KCTD1: variants seen among roughly 807,000 people sequenced by gnomAD.
The protein encoded by KCTD1 is BTB/POZ domain-containing protein KCTD1.
KCTD1 carries 24 observed loss-of-function variants against 66.0 expected under a neutral mutation model. The ratio of observed to expected loss-of-function variants is 0.36; its 90% CI spans 0.26 to 0.51. KCTD1 has a LOEUF of 0.51. Among genes scored for constraint, KCTD1 ranks in the 20% least tolerant of loss-of-function variants. The pLI is 0.95. For missense variants in KCTD1, 943 were observed against 1,205.2 expected (o/e 0.78, Z 3.22); for synonymous variants, 511 against 517.2 (o/e 0.99, Z 0.16).
upstream of KCTD1, among the ~76,000 whole-genome samples, chr18:26,550,001 C>T (rs1985490253): frequency 6.6e-6 from 1 of 152,140 alleles, no homozygotes; most frequent in African/African-American, 2.4e-5. This position sits in a 1 kb window ranked among gnomAD's most constrained non-coding sequence, Gnocchi z 5.4. Context: ...AGGCACAGCC[C>T]AGGCCACTCT....
In KCTD1 at chr18:26,455,689, T is replaced by C; in HGVS notation, c.*54A>G. The C allele has an allele frequency of 8.5e-7, 1 of 1,176,130 alleles. No individual in the cohort carries two copies. The highest frequency in any genetic ancestry group is 1.2e-5 in the South Asian group (1 of 82,228). The allele number at this position is 1,176,130 out of a possible 1,614,324, so 72.9% of individuals were successfully genotyped here. On this transcript the variant is annotated 3_prime_UTR_variant, in exon 5 of 5. Transcript: ENST00000580059. ...CAACTGCACATAAATGTCCCTTTTTTGTTTGAGTTATTGGTTGTGTGTGTT... is the reference window on the plus strand; with the variant it reads ...CAACTGCACATAAATGTCCCTTTTTCGTTTGAGTTATTGGTTGTGTGTGTT...
chr18:26,469,299 G>A (rs1980925140), intron 3 of KCTD1, among the ~76,000 whole-genome samples: 1 of 152,130 alleles, frequency 6.6e-6, no homozygotes, highest in African/African-American at 2.4e-5. Flanking sequence ...GCACGCAAAA[G>A]GTGCAGAGAA....
intron 1 of KCTD1, among the ~76,000 whole-genome samples, chr18:26,651,007 A>G (rs560213140): frequency 1.3e-4 from 20 of 152,386 alleles, no homozygotes; most frequent in African/African-American, 4.6e-4. Context: ...TTTGGTCAGC[A>G]TGACAGAGTA....
intron 1 of KCTD1, among the ~76,000 whole-genome samples, chr18:26,518,555 C>G (rs1254293881): frequency 6.6e-6 from 1 of 152,052 alleles, no homozygotes. Context: ...TGAGCCATGG[C>G]GCCCAGCCAA....
chr18:26,588,462 G>T (rs1032827203), intron 1 of KCTD1, among the ~76,000 whole-genome samples: 1 of 152,198 alleles, frequency 6.6e-6, no homozygotes, highest in African/African-American at 2.4e-5. Flanking sequence ...AAAATAATTT[G>T]TACTCTGTGG....
intron 1 of KCTD1, among the ~76,000 whole-genome samples, chr18:26,621,843 A>G (rs1167203691): frequency 6.6e-6 from 1 of 152,214 alleles, no homozygotes; most frequent in Non-Finnish European, 1.5e-5. Flanking sequence ...TATGCATTTG[A>G]TGGTCCTCAC....
At chr18:26,643,981 C>T (rs562454729), upstream of KCTD1, among the ~76,000 whole-genome samples, 18 of 152,046 alleles carry the variant, frequency 1.2e-4, 1 homozygote, top group South Asian at 3.5e-3. Flanking sequence ...AGGGGGCCTG[C>T]TAAGGTGAGC....
rs375498375 is a variant in KCTD1 at position 26,497,798 on chromosome 18, A to C, written c.1988+3274T>G. On this transcript the variant is annotated intron_variant, in intron 2 of 4. Coordinates refer to ENST00000580059, the MANE Select transcript of KCTD1 (RefSeq NM_001142730.3). ...TCAAAGAGTCTTGACAAATTCTTAA[A>C]GATATCTCCTAATGATAAGGATGTC... Among the ~76,000 whole-genome samples, 60 of 152,308 alleles carry C rather than the reference A, an allele frequency of 3.9e-4. 1 individual carries two copies. In the East Asian group the frequency reaches 6.6e-3, roughly 17 times the overall value.
At chr18:26,609,486 G>A (rs539893463) in intron 1 of KCTD1, among the ~76,000 whole-genome samples, 47 of 152,208 alleles carry the variant, frequency 3.1e-4, no homozygotes, top group Middle Eastern at 3.2e-3. Flanking sequence ...ATGTCTAAAA[G>A]TGGTGTCTCA....
intron 1 of KCTD1, among the ~76,000 whole-genome samples, chr18:26,588,504 T>C (rs1208060267): frequency 6.6e-6 from 1 of 152,172 alleles, no homozygotes; most frequent in Admixed American, 6.5e-5. Context: ...GGTTTATCAA[T>C]AAGTATGGAA....
intron 1 of KCTD1, among the ~76,000 whole-genome samples, chr18:26,589,111 G>A (rs987330543): frequency 1.3e-5 from 2 of 152,100 alleles, no homozygotes; most frequent in Admixed American, 6.5e-5. Flanking sequence ...TGCATGAGGC[G>A]ACCTCATAAT....
intron 1 of KCTD1, among the ~76,000 whole-genome samples, chr18:26,605,905 A>G (rs1987004675): frequency 6.6e-6 from 1 of 152,164 alleles, no homozygotes; most frequent in South Asian, 2.1e-4. Flanking sequence ...GCTGAGGTTA[A>G]GGACATGCCT....
chr18:26,569,697 C>G (rs1191897072), intron 1 of KCTD1, among the ~76,000 whole-genome samples: 1 of 152,048 alleles, frequency 6.6e-6, no homozygotes, highest in Non-Finnish European at 1.5e-5. Flanking sequence ...CAGATAATTC[C>G]CAGCTCACCT....
At chr18:26,637,269 T>C (rs1987743775) in intron 1 of KCTD1, among the ~76,000 whole-genome samples, 1 of 152,212 alleles carries the variant, frequency 6.6e-6, no homozygotes, top group African/African-American at 2.4e-5. Flanking sequence ...GTGCCTCCCA[T>C]GCTCCTTCTG....
At chr18:26,648,528 A>G (rs1347991193) in intron 1 of KCTD1, among the ~76,000 whole-genome samples, 3 of 152,206 alleles carry the variant, frequency 2.0e-5, no homozygotes, top group Non-Finnish European at 4.4e-5. Context: ...CCTCTTTGGA[A>G]TTACTTTATT....
At chr18:26,555,256 T>C (rs1985679645) in intron 1 of KCTD1, among the ~76,000 whole-genome samples, 1 of 152,234 alleles carries the variant, frequency 6.6e-6, no homozygotes, top group Non-Finnish European at 1.5e-5. Context: ...TTAAACACTT[T>C]CTACCCAAAT....
intron 1 of KCTD1, among the ~76,000 whole-genome samples, chr18:26,536,878 T>C (rs114832747): frequency 0.014 from 2,163 of 151,804 alleles, 56 homozygotes; most frequent in African/African-American, 0.049. Flanking sequence ...GGAGGAGTTA[T>C]AGGATGACAT....
chr18:26,609,745 C>T (rs571790167), intron 1 of KCTD1, among the ~76,000 whole-genome samples: 2 of 152,292 alleles, frequency 1.3e-5, no homozygotes, highest in South Asian at 4.1e-4. Context: ...CTACAGCCTT[C>T]AAATTCCAGA....
At chr18:26,463,542 T>A (rs75748424) in intron 3 of KCTD1, among the ~76,000 whole-genome samples, 1 of 11,218 alleles carries the variant, frequency 8.9e-5, no homozygotes, top group Non-Finnish European at 1.0e-3. Context: ...TAGAATACGG[T>A]TTTTTTTTTT....
Sources: gnomAD v4.1 joint callset for allele counts (sites outside exome capture counted in the v4.1 genomes callset) on GRCh38, gnomAD v4.1.1 for gene constraint, Gnocchi (gnomAD v3.1) non-coding constraint, MANE v1.5 for transcripts, NCBI Gene and HGNC (gene_info 2026-07-23, HGNC 2026-07-21) for gene names.